MYO9B: variants seen among roughly 807,000 people sequenced by gnomAD.
MYO9B encodes myosin IXB.
Under a neutral mutation model 229.5 loss-of-function variants are expected in MYO9B, and 71 were observed. That is an observed-to-expected ratio of 0.31 (90% CI 0.26 to 0.38). The LOEUF (loss-of-function observed/expected upper bound fraction) is 0.38, where lower values mean the gene tolerates loss of function less well. MYO9B is among the 10% of genes least tolerant of loss of function. The pLI is 1.00. For synonymous variants in MYO9B, 1,185 were observed against 1,235.8 expected (o/e 0.96, Z 0.86); for missense variants, 2,255 against 2,920.5 (o/e 0.77, Z 5.25).
chr19:17,098,182 G>A (rs991396169), intron 1 of MYO9B, among the ~76,000 whole-genome samples: 7 of 151,900 alleles, frequency 4.6e-5, no homozygotes, highest in African/African-American at 1.5e-4. Context: ...AGCCTCCCAA[G>A]TAGCTGGGAT....
chr19:17,105,819 A>G (rs116494458), intron 2 of MYO9B, among the ~76,000 whole-genome samples: 1,831 of 152,248 alleles, frequency 0.012, 42 homozygotes, highest in African/African-American at 0.041. Flanking sequence ...GGGTCATACA[A>G]CTTAGCCCTG....
rs1433699081 is a variant in MYO9B, at chr19:17,172,082, G to A, written c.1794-254G>A. 1.3e-5 allele frequency among the ~76,000 whole-genome samples: 2 copies of A among 152,098 alleles called. No individual in the cohort carries two copies. Among genetic ancestry groups the A allele is most frequent in the African/African-American group, 2.4e-5 (1 of 41,396 alleles). ...CCACCAGCGTGTTCAGCATGAGGCA[G>A]GCAGGCACACCCAGATAGCAGCGTC... On this transcript the variant is annotated intron_variant, in intron 11 of 39. Transcript: ENST00000682292. The surrounding 1 kb of genome is among the most constrained non-coding windows in gnomAD (Gnocchi z 8.2).
At chr19:17,191,348 G>A in intron 20 of MYO9B, 129 bp downstream of exon 20, 1 of 1,240,542 alleles carries the variant, frequency 8.1e-7, no homozygotes, top group Non-Finnish European at 1.1e-6. Flanking sequence ...GCATTTCTCG[G>A]GACCCAGCAG....
At chr19:17,154,530 C>G in intron 6 of MYO9B, 115 bp downstream of exon 6, 1 of 721,464 alleles carries the variant, frequency 1.4e-6, no homozygotes, top group East Asian at 2.7e-5. Context: ...CAGGCAGTGT[C>G]CTGAACAGTG....
intron 2 of MYO9B, among the ~76,000 whole-genome samples, chr19:17,137,383 G>C (rs2072284064): frequency 6.6e-6 from 1 of 152,096 alleles, no homozygotes; most frequent in Admixed American, 6.6e-5. Flanking sequence ...GCGACAGAGT[G>C]AGACCCTGTC....
intron 2 of MYO9B, among the ~76,000 whole-genome samples, chr19:17,105,447 G>A (rs975760756): frequency 1.3e-5 from 2 of 151,958 alleles, no homozygotes; most frequent in Non-Finnish European, 2.9e-5. Flanking sequence ...GTGAGCCAAC[G>A]TCTGGCCACT....
At chr19:17,181,807 C>T (rs2072864941) in intron 15 of MYO9B, among the ~76,000 whole-genome samples, 1 of 152,118 alleles carries the variant, frequency 6.6e-6, no homozygotes, top group Admixed American at 6.6e-5. Flanking sequence ...CGGAGTTTCA[C>T]TCTTGTTGCC....
At chr19:17,122,597 A>G (rs1213047771) in intron 2 of MYO9B, among the ~76,000 whole-genome samples, 1 of 152,154 alleles carries the variant, frequency 6.6e-6, no homozygotes, top group Non-Finnish European at 1.5e-5. Flanking sequence ...TCATTCCTAC[A>G]TCACAGCCAG....
At chr19:17,098,526 C>T (rs943404773) in intron 1 of MYO9B, among the ~76,000 whole-genome samples, 2 of 152,226 alleles carry the variant, frequency 1.3e-5, no homozygotes, top group African/African-American at 4.8e-5. Context: ...ACACCCTCAG[C>T]CATTCTTGGT....
chr19:17,112,168 A>G (rs2057853377), intron 2 of MYO9B, among the ~76,000 whole-genome samples: 1 of 152,068 alleles, frequency 6.6e-6, no homozygotes, highest in African/African-American at 2.4e-5. Flanking sequence ...GGGGGGATTG[A>G]CACTCACACA....
In MYO9B at chr19:17,180,914, C is replaced by T. The variant is rs1404264011; in HGVS notation, c.2220-13C>T. On this transcript the variant is annotated splice_polypyrimidine_tract_variant and intron_variant, in intron 14 of 39. Coordinates refer to ENST00000682292, the MANE Select transcript of MYO9B (RefSeq NM_004145.4). ...TCTTTCTGTCACTGCGCCCCCTCCACCCCTCCCCTCAGCGATTTGCATAAC... is the reference window on the plus strand; with the variant it reads ...TCTTTCTGTCACTGCGCCCCCTCCATCCCTCCCCTCAGCGATTTGCATAAC... 8.8e-6 allele frequency: 14 copies of T among 1,584,416 alleles called. No individual in the cohort carries two copies. Among genetic ancestry groups the T allele is most frequent in the South Asian group, 2.3e-5 (2 of 88,542 alleles).
In MYO9B at chr19:17,151,668, A is replaced by G. The variant is rs142227322; in HGVS notation, c.936-976A>G. ...TGCATGGCTCACGCCTGTAATCCCAACACTTCAGGAGGCTGAGACACGTAG... is the reference window on the plus strand; with the variant it reads ...TGCATGGCTCACGCCTGTAATCCCAGCACTTCAGGAGGCTGAGACACGTAG... On this transcript the variant is annotated intron_variant, in intron 3 of 39. Transcript: ENST00000682292. 1.4e-3 allele frequency among the ~76,000 whole-genome samples: 208 copies of G among 152,300 alleles called. 2 individuals are homozygous for G. Among genetic ancestry groups the G allele is most frequent in the African/African-American group, 4.8e-3 (198 of 41,578 alleles).
intron 26 of MYO9B, 66 bp from the exon 27 acceptor site, chr19:17,201,860 G>T: frequency 3.3e-6 from 4 of 1,221,788 alleles, no homozygotes; most frequent in Non-Finnish European, 4.7e-6. Flanking sequence ...GACCCCTTGG[G>T]CACCTCCTCG....
In MYO9B at chr19:17,154,328, T is replaced by C. The variant is rs542205117; in HGVS notation, c.1112T>C (p.Ile371Thr). 27 of 1,612,174 alleles carry C rather than the reference T, an allele frequency of 1.7e-5. No individual in the cohort carries two copies. In the African/African-American group the frequency reaches 2.0e-4, roughly 12 times the overall value. ...TTTGTTTTCCAGCATAACTTGAAGATTGAAGATGGGGAGGACCTGAAGCAT... is the reference window on the plus strand; with the variant it reads ...TTTGTTTTCCAGCATAACTTGAAGACTGAAGATGGGGAGGACCTGAAGCAT... The part of the protein sequence containing the change: ...YFYLNQHNLK[I>T]EDGEDLKHDF... The change falls in exon 6 of 40, where the codon ATT becomes ACT. Residue 371 changes from isoleucine (I) to threonine (T), a missense_variant. Coordinates refer to ENST00000682292, the MANE Select transcript of MYO9B (RefSeq NM_004145.4).
In MYO9B at chr19:17,205,164, A is replaced by AAAAAG. The variant is rs113114523; in HGVS notation, c.4991-97_4991-96insAAGAA. The AAAAAG allele has an allele frequency of 5.6e-4, 419 of 748,586 alleles. 5 individuals are homozygous for AAAAAG. Among genetic ancestry groups the AAAAAG allele is most frequent in the East Asian group, 1.2e-3 (41 of 35,434 alleles). 46.4% of individuals were successfully genotyped at this position (748,586 alleles called of 1,614,324 possible). ...AGACTCCATCTCAAAAAAAAAAAAA[A>AAAAAG]AAGAAGGCAATTGGCGGCCCCCGGC... is the stretch of plus-strand genomic sequence containing the variant. On this transcript the variant is annotated intron_variant, in intron 30 of 39. Transcript: ENST00000682292.
chr19:17,139,970 G>A (rs563894295), intron 2 of MYO9B, among the ~76,000 whole-genome samples: 2 of 152,184 alleles, frequency 1.3e-5, no homozygotes, highest in East Asian at 3.9e-4. Flanking sequence ...GAGCCCGGGA[G>A]GAGGAGGTTG....
intron 2 of MYO9B, among the ~76,000 whole-genome samples, chr19:17,142,202 C>T (rs1469664197): frequency 6.6e-6 from 1 of 151,436 alleles, no homozygotes; most frequent in Non-Finnish European, 1.5e-5. Context: ...AAGCGGCAAC[C>T]AGACACAACA....
chr19:17,171,609 C>T (rs1015291004), intron 11 of MYO9B, among the ~76,000 whole-genome samples: 9 of 152,100 alleles, frequency 5.9e-5, no homozygotes, highest in African/African-American at 2.2e-4. Context: ...CATGTGGGGT[C>T]GAAGAGAGTG....
chr19:17,206,824 G>A (rs1013674656), intron 34 of MYO9B, 40 bp downstream of exon 34: 11 of 1,492,642 alleles, frequency 7.4e-6, no homozygotes, highest in African/African-American at 5.6e-5. Context: ...GGTTAGGGTC[G>A]CATTGGGAAC....
Sources: allele counts gnomAD v4.1 joint callset (sites outside exome capture counted in the v4.1 genomes callset), GRCh38; gene constraint gnomAD v4.1.1; non-coding constraint Gnocchi (gnomAD v3.1); transcripts MANE v1.5; gene names NCBI Gene and HGNC (gene_info 2026-07-23, HGNC 2026-07-21).